ADGRL3: variants seen among roughly 807,000 people sequenced by gnomAD.
ADGRL3 encodes adhesion G protein-coupled receptor L3.
Under a neutral mutation model 153.5 loss-of-function variants are expected in ADGRL3, and 62 were observed. The ratio of observed to expected loss-of-function variants is 0.40; its 90% CI spans 0.33 to 0.50. The LOEUF is 0.50. Ranked by LOEUF, ADGRL3 falls within the 20% of genes least tolerant of loss-of-function variation. The pLI is 0.47. For synonymous variants in ADGRL3, 710 were observed against 672.5 expected (o/e 1.06, Z -0.86); for missense variants, 1,641 against 1,859.4 (o/e 0.88, Z 2.16).
chr4:61,787,864 C>A (rs184948317), intron 8 of ADGRL3, among the ~76,000 whole-genome samples: 2 of 151,918 alleles, frequency 1.3e-5, no homozygotes, highest in Non-Finnish European at 2.9e-5. Context: ...GTTTAAGATG[C>A]CTTACCTTGG....
At chr4:61,685,702 C>G (rs1227024060) in intron 6 of ADGRL3, among the ~76,000 whole-genome samples, 1 of 152,014 alleles carries the variant, frequency 6.6e-6, no homozygotes, top group African/African-American at 2.4e-5. Flanking sequence ...AGCTACTAAC[C>G]AGCAATTAGC....
chr4:61,819,672 A>G (rs1372477808), intron 9 of ADGRL3, among the ~76,000 whole-genome samples: 1 of 152,156 alleles, frequency 6.6e-6, no homozygotes, highest in Non-Finnish European at 1.5e-5. Context: ...ATATTAACAT[A>G]GTCATAAATA....
At chr4:62,040,669 G>T (rs1039843635) in intron 24 of ADGRL3, among the ~76,000 whole-genome samples, 1 of 152,052 alleles carries the variant, frequency 6.6e-6, no homozygotes, top group African/African-American at 2.4e-5. Flanking sequence ...ATGGTTAAAA[G>T]ACATATAACT....
intron 1 of ADGRL3, among the ~76,000 whole-genome samples, chr4:61,290,711 G>T (rs1367186057): frequency 6.6e-6 from 1 of 151,342 alleles, no homozygotes; most frequent in Non-Finnish European, 1.5e-5. Flanking sequence ...AGGAGGGAAG[G>T]AGGGAAGGGG....
chr4:61,344,161 G>C (rs530296515), intron 1 of ADGRL3, among the ~76,000 whole-genome samples: 1 of 152,274 alleles, frequency 6.6e-6, no homozygotes, highest in East Asian at 1.9e-4. Context: ...TATTAAGTAC[G>C]GTGTGGCAAG....
In ADGRL3 at chr4:61,405,818, G is replaced by A. The variant is rs79566033; in HGVS notation, c.-174+22629G>A. ...TTCTAAATAATTAACATTACTCTGC[G>A]TAGTGGTCAGCCACAATCAGAAAAA... On this transcript the variant is annotated intron_variant, in intron 2 of 26. Transcript: ENST00000683033. Among the ~76,000 whole-genome samples, 1,327 of 151,886 alleles carry A rather than the reference G, an allele frequency of 8.7e-3. 18 individuals are homozygous for A. Among genetic ancestry groups the A allele is most frequent in the African/African-American group, 0.03 (1,247 of 41,456 alleles).
At chr4:61,770,558 T>C (rs995892677) in intron 8 of ADGRL3, among the ~76,000 whole-genome samples, 12 of 152,194 alleles carry the variant, frequency 7.9e-5, no homozygotes, top group African/African-American at 2.7e-4. Flanking sequence ...TTTTGACTTT[T>C]TAAAGTATCT....
intron 21 of ADGRL3, among the ~76,000 whole-genome samples, chr4:62,010,292 G>A (rs1427465946): frequency 3.9e-5 from 6 of 151,908 alleles, no homozygotes; most frequent in Admixed American, 1.3e-4. Context: ...CTAGCCTCCC[G>A]CCATCGCCTT....
rs1157145086 is a variant in ADGRL3 at position 61,996,854 on chromosome 4, C to A, written c.3303+497C>A. On this transcript the variant is annotated intron_variant, in intron 20 of 26. Coordinates refer to ENST00000683033, the MANE Select transcript of ADGRL3 (RefSeq NM_001387552.1). ...GAATGGCACAATCACATTAAGCCTG[C>A]ATTCTGGAATCATGCTTCCTTTTCT... Among the ~76,000 whole-genome samples the A allele has an allele frequency of 3.3e-5, 5 of 152,238 alleles. No individual in the cohort carries two copies. In the East Asian group the frequency reaches 9.7e-4, roughly 29 times the overall value.
chr4:61,443,193 C>T (rs2097545433), intron 2 of ADGRL3, among the ~76,000 whole-genome samples: 1 of 152,050 alleles, frequency 6.6e-6, no homozygotes, highest in Non-Finnish European at 1.5e-5. Context: ...GTCTGTTTAC[C>T]AGCAACTGAA....
intron 6 of ADGRL3, among the ~76,000 whole-genome samples, chr4:61,705,351 A>G (rs1336878764): frequency 6.6e-6 from 1 of 151,668 alleles, no homozygotes; most frequent in Non-Finnish European, 1.5e-5. Flanking sequence ...ATGTTCTTCA[A>G]TGACTAGTGG....
intron 1 of ADGRL3, among the ~76,000 whole-genome samples, chr4:61,269,752 G>T (rs958893603): frequency 6.6e-6 from 1 of 151,576 alleles, no homozygotes; most frequent in Non-Finnish European, 1.5e-5. Flanking sequence ...TGCCTTCCCC[G>T]CAACAAAATC....
chr4:61,672,046 G>A (rs188969025), intron 5 of ADGRL3, among the ~76,000 whole-genome samples: 8 of 152,220 alleles, frequency 5.3e-5, no homozygotes, highest in African/African-American at 1.9e-4. Context: ...CTGTACAGAA[G>A]CTTTGTAGTT....
chr4:61,792,793 C>A (rs962467282), intron 8 of ADGRL3, among the ~76,000 whole-genome samples: 3 of 151,936 alleles, frequency 2.0e-5, no homozygotes, highest in African/African-American at 7.2e-5. Flanking sequence ...TGGCCACTTT[C>A]CCACATTTTT....
At chr4:61,418,286 G>T (rs2097166442) in intron 2 of ADGRL3, among the ~76,000 whole-genome samples, 1 of 152,176 alleles carries the variant, frequency 6.6e-6, no homozygotes, top group Non-Finnish European at 1.5e-5. Flanking sequence ...GAACAGGATT[G>T]CTGCCAAGAG....
At chr4:61,730,117 A>G (rs886562497) in intron 6 of ADGRL3, among the ~76,000 whole-genome samples, 5 of 151,966 alleles carry the variant, frequency 3.3e-5, no homozygotes, top group Admixed American at 1.3e-4. Context: ...CTGACAAGCT[A>G]CAGGAAATCT....
chr4:61,599,090 C>A (rs1259467765), intron 5 of ADGRL3, among the ~76,000 whole-genome samples: 1 of 152,068 alleles, frequency 6.6e-6, no homozygotes, highest in African/African-American at 2.4e-5. Flanking sequence ...GAATGAAGAC[C>A]CAAAGATACA....
intron 8 of ADGRL3, among the ~76,000 whole-genome samples, chr4:61,760,162 A>G (rs2096893145): frequency 6.6e-6 from 1 of 152,188 alleles, no homozygotes; most frequent in Non-Finnish European, 1.5e-5. Flanking sequence ...GCATGCTGGG[A>G]GAACCACTAT....
At chr4:61,779,659 A>T (rs928311645) in intron 8 of ADGRL3, among the ~76,000 whole-genome samples, 3 of 150,728 alleles carry the variant, frequency 2.0e-5, no homozygotes, top group African/African-American at 7.3e-5. Context: ...AAAAAAAAAA[A>T]AGGGAGAGAA....
Sources: gnomAD v4.1 joint callset for allele counts (sites outside exome capture counted in the v4.1 genomes callset) on GRCh38, gnomAD v4.1.1 for gene constraint, MANE v1.5 for transcripts, NCBI Gene and HGNC (gene_info 2026-07-23, HGNC 2026-07-21) for gene names.